Variants in CRIM1 observed in about 807,000 individuals in gnomAD.
CRIM1 encodes the protein cysteine-rich motor neuron 1 protein.
Under a neutral mutation model 116.4 loss-of-function variants are expected in CRIM1, and 32 were observed. The ratio of observed to expected loss-of-function variants is 0.27; its 90% CI spans 0.21 to 0.37. The LOEUF (loss-of-function observed/expected upper bound fraction) is 0.37, where lower values mean the gene tolerates loss of function less well. Ranked by LOEUF, CRIM1 falls within the 10% of genes least tolerant of loss-of-function variation. The probability of loss-of-function intolerance (pLI) is 1.00; values close to 1 mark genes in which losing one functional copy is unlikely to be tolerated. For synonymous variants in CRIM1, 590 were observed against 509.2 expected (o/e 1.16, Z -2.13); for missense variants, 1,331 against 1,354.8 (o/e 0.98, Z 0.28).
chr2:36,523,308 G>A (rs181368759), intron 13 of CRIM1, among the ~76,000 whole-genome samples: 161 of 152,268 alleles, frequency 1.1e-3, no homozygotes, highest in Non-Finnish European at 2.0e-3. Context: ...TTTCAACCAC[G>A]TGGTTGTCCC....
At chr2:36,527,288 G>A (rs955656493) in intron 13 of CRIM1, among the ~76,000 whole-genome samples, 3 of 152,034 alleles carry the variant, frequency 2.0e-5, no homozygotes, top group African/African-American at 7.2e-5. Flanking sequence ...GTTTTTAAGT[G>A]TCATATATCT....
chr2:36,423,643 G>A (rs978384022), intron 2 of CRIM1, among the ~76,000 whole-genome samples: 2 of 152,124 alleles, frequency 1.3e-5, no homozygotes, highest in Non-Finnish European at 2.9e-5. Context: ...CCTGATTATG[G>A]TACTAAAGTA....
intron 1 of CRIM1, among the ~76,000 whole-genome samples, chr2:36,362,507 A>G (rs1669292872): frequency 6.6e-6 from 1 of 152,072 alleles, no homozygotes; most frequent in African/African-American, 2.4e-5. Flanking sequence ...TTTGAGAGTG[A>G]TTTTCTCTTT....
At chr2:36,377,428 A>G (rs1262312153) in intron 1 of CRIM1, among the ~76,000 whole-genome samples, 1 of 152,186 alleles carries the variant, frequency 6.6e-6, no homozygotes, top group East Asian at 1.9e-4. Context: ...GAGAAACAAA[A>G]TCGTGCACTA....
At position 36,512,515 on chromosome 2, in the gene CRIM1, A is replaced by T. The variant is rs1273470023; in HGVS notation, c.1780+121A>T. 3.6e-6 allele frequency: 4 copies of T among 1,106,994 alleles called. No homozygotes were observed. In the African/African-American group the frequency reaches 6.2e-5, roughly 17 times the overall value. 68.6% of individuals were successfully genotyped at this position (1,106,994 alleles called of 1,614,324 possible). A position where few individuals can be genotyped will look rare whatever the true frequency, so the allele number is the denominator to read the frequency against. ...TGCTGCCTATTCTAACACAAATGTCAGTCTCTGTGGGACCGTCCCACAGGA... is the reference window on the plus strand; with the variant it reads ...TGCTGCCTATTCTAACACAAATGTCTGTCTCTGTGGGACCGTCCCACAGGA... On this transcript the variant is annotated intron_variant, in intron 10 of 16. Transcript: ENST00000280527.
At chr2:36,482,734 A>G (rs763884371) in intron 7 of CRIM1, among the ~76,000 whole-genome samples, 35 of 152,218 alleles carry the variant, frequency 2.3e-4, no homozygotes, top group Non-Finnish European at 3.8e-4. Flanking sequence ...CCTATTAGCT[A>G]CAGTCTCTAG....
intron 4 of CRIM1, among the ~76,000 whole-genome samples, chr2:36,453,475 A>G (rs536777314): frequency 1.4e-4 from 21 of 152,326 alleles, no homozygotes; most frequent in African/African-American, 4.3e-4. Context: ...CCCACCCTAT[A>G]TATTTCATTC....
In CRIM1 at chr2:36,549,363, G is replaced by A. The variant is rs965673465; in HGVS notation, c.*662G>A. The stretch of plus-strand genomic sequence containing the variant: ...AAGCGGGTTATTAAGGATATATACA[G>A]TTACACTTTTTGCTGCTTTTATTTT... On this transcript the variant is annotated 3_prime_UTR_variant, in exon 17 of 17. Coordinates refer to ENST00000280527, the MANE Select transcript of CRIM1 (RefSeq NM_016441.3). 1 of 152,584 alleles carries A rather than the reference G, an allele frequency of 6.6e-6. No individual in the cohort carries two copies. Among genetic ancestry groups the A allele is most frequent in the Non-Finnish European group, 1.5e-5 (1 of 68,036 alleles). The allele number at this position is 152,584 out of a possible 1,614,324, so 9.5% of individuals were successfully genotyped here.
Position 36,513,619 on chromosome 2 carries a change from A to C in CRIM1, c.1844A>C (p.His615Pro), listed in dbSNP as rs775782032. ...ACTTGTCTCACCGTGGATGGTCATC[A>C]TCATAAAAATGAGGAGAGCTGGCAC... ...SGTCLTVDGH[H>P]HKNEESWHDG... Residue 615 changes from histidine (H) to proline (P), a missense_variant, in exon 11 of 17, where the codon CAT becomes CCT. Physicochemically the swap from His to Pro is moderately conservative, Grantham distance 77. This residue lies in a region of CRIM1 where 358 missense variants were observed against 436.1 expected (regional missense o/e 0.82). Coordinates refer to ENST00000280527, the MANE Select transcript of CRIM1 (RefSeq NM_016441.3). 11 of 1,613,990 alleles carry C rather than the reference A, an allele frequency of 6.8e-6. No individual in the cohort carries two copies. The Admixed American group carries it at 1.7e-4, about 24-fold the overall frequency.
chr2:36,404,325 A>G (rs796694643), intron 2 of CRIM1, among the ~76,000 whole-genome samples: 9 of 152,350 alleles, frequency 5.9e-5, no homozygotes, highest in African/African-American at 2.2e-4. Context: ...ATCTGACTAT[A>G]GTAGAGCTGG....
intron 13 of CRIM1, among the ~76,000 whole-genome samples, chr2:36,526,679 G>A (rs1196268209): frequency 6.6e-6 from 1 of 152,152 alleles, no homozygotes; most frequent in Non-Finnish European, 1.5e-5. Flanking sequence ...TGCCCATACT[G>A]AGTGCCAGAC....
At chr2:36,454,487 T>TG (rs1247036968) in intron 4 of CRIM1, among the ~76,000 whole-genome samples, 1 of 152,076 alleles carries the variant, frequency 6.6e-6, no homozygotes, top group Non-Finnish European at 1.5e-5. Context: ...TGAGGCATGA[T>TG]GGGGGGCTTC....
intron 13 of CRIM1, among the ~76,000 whole-genome samples, chr2:36,528,821 G>A (rs534533947): frequency 6.6e-6 from 1 of 152,328 alleles, no homozygotes; most frequent in Admixed American, 6.5e-5. Context: ...TTTGGAACTG[G>A]TCTAAAGTTA....
At chr2:36,494,447 G>A (rs192229385) in intron 7 of CRIM1, among the ~76,000 whole-genome samples, 111 of 152,282 alleles carry the variant, frequency 7.3e-4, no homozygotes, top group Middle Eastern at 6.8e-3. Flanking sequence ...ACATGTGTTT[G>A]TGTATGTTAT....
chr2:36,528,078 A>C (rs1235993755), intron 13 of CRIM1, among the ~76,000 whole-genome samples: 2 of 152,216 alleles, frequency 1.3e-5, no homozygotes, highest in Admixed American at 6.5e-5. Context: ...TACATATGCA[A>C]AAATACTTTA....
At chr2:36,366,664 T>C (rs1669623096) in intron 1 of CRIM1, among the ~76,000 whole-genome samples, 2 of 152,198 alleles carry the variant, frequency 1.3e-5, no homozygotes, top group Non-Finnish European at 2.9e-5. Context: ...GAAAGGAATT[T>C]CTGGCAGGGC....
intron 4 of CRIM1, among the ~76,000 whole-genome samples, chr2:36,462,469 C>A (rs758406409): frequency 6.6e-6 from 1 of 152,206 alleles, no homozygotes; most frequent in Non-Finnish European, 1.5e-5. Context: ...TGACTCCTAA[C>A]AGCATAGCAG....
intron 1 of CRIM1, among the ~76,000 whole-genome samples, chr2:36,380,589 G>A (rs1319602372): frequency 6.6e-6 from 1 of 152,184 alleles, no homozygotes; most frequent in African/African-American, 2.4e-5. Context: ...GAAATCAAAA[G>A]AAGGACATAA....
chr2:36,460,068 G>A (rs1572783921), intron 4 of CRIM1, among the ~76,000 whole-genome samples: 1 of 152,148 alleles, frequency 6.6e-6, no homozygotes, highest in East Asian at 1.9e-4. Flanking sequence ...CAGGCACTCA[G>A]GTGCCCACTG....
Sources: allele counts gnomAD v4.1 joint callset (sites outside exome capture counted in the v4.1 genomes callset), GRCh38; gene constraint gnomAD v4.1.1; regional missense constraint gnomAD v4.1.1; transcripts MANE v1.5; gene names NCBI Gene and HGNC (gene_info 2026-07-23, HGNC 2026-07-21).